PDE1A: variants seen among roughly 807,000 people sequenced by gnomAD.
The protein encoded by PDE1A is phosphodiesterase 1A, also known as dual specificity calcium/calmodulin-dependent 3',5'-cyclic nucleotide phosphodiesterase 1A.
A neutral mutation model predicts 61.7 loss-of-function variants in PDE1A; 35 were observed. That is an observed-to-expected ratio of 0.57 (90% CI 0.43 to 0.75). The LOEUF (loss-of-function observed/expected upper bound fraction) is 0.75, where lower values mean the gene tolerates loss of function less well. PDE1A is among the 30% of genes least tolerant of loss of function. The pLI is 0.00. For missense variants in PDE1A, 597 were observed against 630.6 expected (o/e 0.95, Z 0.57); for synonymous variants, 232 against 213.2 (o/e 1.09, Z -0.77).
At chr2:182,466,088 G>A (rs1200010898) in intron 2 of PDE1A, among the ~76,000 whole-genome samples, 3 of 151,738 alleles carry the variant, frequency 2.0e-5, no homozygotes, top group African/African-American at 7.3e-5. Flanking sequence ...CTAAGGTCTT[G>A]AATGTGTTTG....
chr2:182,426,865 T>C (rs1703656439), exon 1 of PDE1A: 4 of 1,317,062 alleles, frequency 3.0e-6, no homozygotes, highest in African/African-American at 3.0e-5. Context: ...GAGCAGGGTG[T>C]GCAAAAACCA....
In PDE1A at chr2:182,203,087, G is replaced by A. The variant is rs113409140; in HGVS notation, c.903-1298C>T. On this transcript the variant is annotated intron_variant, in intron 8 of 13. Transcript: ENST00000351439. Reference sequence around the variant, plus strand: ...TCCCAGCACTTTGGGAGGCCGAGGCGGGTGGATCACGAGGTCAGGAGATCG... The same window carrying A: ...TCCCAGCACTTTGGGAGGCCGAGGCAGGTGGATCACGAGGTCAGGAGATCG... 1.4e-4 allele frequency among the ~76,000 whole-genome samples: 21 copies of A among 152,216 alleles called. 1 individual carries two copies. The highest frequency in any genetic ancestry group is 4.8e-4 in the African/African-American group (20 of 41,548).
the PDE1A span, among the ~76,000 whole-genome samples, chr2:182,669,443 C>T: frequency 2.0e-5 from 3 of 152,120 alleles, no homozygotes; most frequent in East Asian, 1.9e-4. Flanking sequence ...TTGAATTTTG[C>T]TATAGTTTCC....
chr2:182,620,719 C>T, the PDE1A span, among the ~76,000 whole-genome samples: 2 of 152,142 alleles, frequency 1.3e-5, no homozygotes, highest in African/African-American at 2.4e-5. Flanking sequence ...GTTACATATA[C>T]ACAAATATAA....
chr2:182,420,153 C>T (rs553843827), intron 1 of PDE1A, among the ~76,000 whole-genome samples: 6 of 152,094 alleles, frequency 3.9e-5, no homozygotes, highest in Non-Finnish European at 8.8e-5. Context: ...CTGGACTGAG[C>T]AGTAAATGCC....
the PDE1A span, among the ~76,000 whole-genome samples, chr2:182,681,589 A>C: frequency 1.6e-4 from 24 of 152,146 alleles, no homozygotes; most frequent in South Asian, 1.5e-3. Context: ...AAAAAAAAAA[A>C]AACAGTTATT....
chr2:182,486,385 C>T (rs908804721), intron 2 of PDE1A, among the ~76,000 whole-genome samples: 5 of 151,908 alleles, frequency 3.3e-5, no homozygotes, highest in Non-Finnish European at 5.9e-5. Context: ...AATTGATCTA[C>T]AGAAACAATA....
chr2:182,686,924 G>A, the PDE1A span, among the ~76,000 whole-genome samples: 14 of 152,304 alleles, frequency 9.2e-5, no homozygotes, highest in African/African-American at 2.6e-4. Context: ...ATGGAGCCTC[G>A]CTCAGTGCTA....
intron 2 of PDE1A, among the ~76,000 whole-genome samples, chr2:182,514,346 A>G (rs1991596): frequency 0.34 from 51,420 of 152,082 alleles, 9,911 homozygotes; most frequent in East Asian, 0.59. Context: ...ATTTATATTG[A>G]ATCAAAAAAG....
the PDE1A span, among the ~76,000 whole-genome samples, chr2:182,627,014 T>TATAAATATA: frequency 5.6e-3 from 14 of 2,478 alleles, no homozygotes; most frequent in Admixed American, 0.012. Context: ...TATATTTATA[T>TATAAATATA]TTATATATAA....
intron 13 of PDE1A, among the ~76,000 whole-genome samples, chr2:182,170,168 T>C (rs1692059547): frequency 1.3e-5 from 2 of 152,028 alleles, no homozygotes; most frequent in Admixed American, 1.3e-4. Context: ...TTGGGCAAAA[T>C]AGATGAAAAG....
At chr2:182,695,581 G>A in the PDE1A span, among the ~76,000 whole-genome samples, 2 of 149,846 alleles carry the variant, frequency 1.3e-5, no homozygotes, top group East Asian at 3.9e-4. Context: ...GCAGGAGAAT[G>A]GCGTGAACCC....
At chr2:182,315,376 T>C (rs1043254711) in intron 1 of PDE1A, among the ~76,000 whole-genome samples, 2 of 152,160 alleles carry the variant, frequency 1.3e-5, no homozygotes, top group Non-Finnish European at 2.9e-5. Context: ...AGTTTCTCTC[T>C]CAGAACTTAC....
At chr2:182,408,982 G>T (rs1184911258) in intron 1 of PDE1A, among the ~76,000 whole-genome samples, 1 of 152,184 alleles carries the variant, frequency 6.6e-6, no homozygotes, top group Non-Finnish European at 1.5e-5. Context: ...ACTCAGTCAG[G>T]CTGCCCAGAG....
intron 1 of PDE1A, among the ~76,000 whole-genome samples, chr2:182,292,202 C>CAA (rs1480928692): frequency 6.6e-6 from 1 of 151,846 alleles, no homozygotes; most frequent in East Asian, 1.9e-4. Flanking sequence ...ACCAGAGGCT[C>CAA]TCTCTCTCTA....
At chr2:182,641,553 C>A in the PDE1A span, among the ~76,000 whole-genome samples, 1 of 152,068 alleles carries the variant, frequency 6.6e-6, no homozygotes, top group Non-Finnish European at 1.5e-5. Flanking sequence ...GACTTTTATT[C>A]ATCTCATTTA....
chr2:182,516,251 C>T (rs1690141046), intron 2 of PDE1A, among the ~76,000 whole-genome samples: 1 of 152,018 alleles, frequency 6.6e-6, no homozygotes, highest in African/African-American at 2.4e-5. Context: ...TAGAGGTTGC[C>T]CTTGGCTCGT....
rs542269519 is a variant in PDE1A at position 182,194,311 on chromosome 2, A to C, written c.1126-5251T>G. Reference sequence around the variant, plus strand: ...ATTGACTTCTTATCTTGCCAACCTGACATGTGTGTTCAAGAGGAGAATAAA... The same window carrying C: ...ATTGACTTCTTATCTTGCCAACCTGCCATGTGTGTTCAAGAGGAGAATAAA... On this transcript the variant is annotated intron_variant, in intron 10 of 13. Coordinates refer to ENST00000351439, the Ensembl canonical transcript of PDE1A. Among the ~76,000 whole-genome samples the C allele has an allele frequency of 2.6e-5, 4 of 152,262 alleles. No homozygotes were observed. In the South Asian group the frequency reaches 8.3e-4, roughly 32 times the overall value.
At chr2:182,174,022 G>C (rs1692491794) in intron 13 of PDE1A, among the ~76,000 whole-genome samples, 1 of 152,020 alleles carries the variant, frequency 6.6e-6, no homozygotes, top group African/African-American at 2.4e-5. Context: ...AATAGGCATT[G>C]CTGGCAAATA....
Sources: allele counts gnomAD v4.1 joint callset (sites outside exome capture counted in the v4.1 genomes callset), GRCh38; gene constraint gnomAD v4.1.1; transcripts MANE v1.5; gene names NCBI Gene and HGNC (gene_info 2026-07-23, HGNC 2026-07-21).